GPM6A: variants seen among roughly 807,000 people sequenced by gnomAD.
GPM6A encodes glycoprotein M6A.
In GPM6A, 7 loss-of-function variants were observed where a neutral mutation model predicts 32.1. The ratio of observed to expected loss-of-function variants is 0.22; its 90% CI spans 0.12 to 0.41. GPM6A has a LOEUF of 0.41. Among genes scored for constraint, GPM6A ranks in the 10% least tolerant of loss-of-function variants. GPM6A has a pLI of 1.00. For missense variants in GPM6A, 235 were observed against 347.2 expected (o/e 0.68, Z 2.57); for synonymous variants, 130 against 123.4 (o/e 1.05, Z -0.35).
intron 1 of GPM6A, among the ~76,000 whole-genome samples, chr4:175,792,114 T>G (rs377532156): frequency 6.6e-6 from 1 of 152,206 alleles, no homozygotes; most frequent in East Asian, 1.9e-4. Flanking sequence ...TTAAGTAATT[T>G]GATCTCATTA....
intron 1 of GPM6A, among the ~76,000 whole-genome samples, chr4:175,865,988 C>T (rs1249178794): frequency 6.6e-6 from 1 of 152,168 alleles, no homozygotes; most frequent in East Asian, 1.9e-4. Context: ...AACTCAATTT[C>T]TTTAATAGCT....
chr4:175,724,260 C>T (rs961088330), intron 1 of GPM6A, among the ~76,000 whole-genome samples: 2 of 152,078 alleles, frequency 1.3e-5, no homozygotes, highest in South Asian at 2.1e-4. Flanking sequence ...AAAAGTTGAA[C>T]TCGGCCAGGT....
At chr4:175,969,839 T>C (rs1356945768) in intron 1 of GPM6A, among the ~76,000 whole-genome samples, 1 of 152,162 alleles carries the variant, frequency 6.6e-6, no homozygotes, top group Non-Finnish European at 1.5e-5. Context: ...TAAATAGAAC[T>C]CTATGTACTT....
chr4:175,660,113 A>T (rs542563579), intron 3 of GPM6A, among the ~76,000 whole-genome samples: 13 of 152,216 alleles, frequency 8.5e-5, no homozygotes, highest in African/African-American at 3.1e-4. Flanking sequence ...AAAAAAAAGT[A>T]TATAGGCTGG....
At chr4:175,978,372 A>G (rs1019448698) in intron 1 of GPM6A, among the ~76,000 whole-genome samples, 1 of 152,038 alleles carries the variant, frequency 6.6e-6, no homozygotes, top group Non-Finnish European at 1.5e-5. Flanking sequence ...CTGATCAAAC[A>G]CCTCCCTTCC....
intron 1 of GPM6A, chr4:175,906,513 T>C (rs1213960113): frequency 6.6e-6 from 1 of 152,166 alleles, no homozygotes; most frequent in Non-Finnish European, 1.5e-5. Context: ...TCTCTCCTCA[T>C]TATTTTTTAT....
intron 1 of GPM6A, among the ~76,000 whole-genome samples, chr4:175,777,279 T>C (rs1478772479): frequency 6.6e-5 from 10 of 152,138 alleles, no homozygotes; most frequent in Admixed American, 4.6e-4. Context: ...ATAGGTTTTA[T>C]TTACTGTCTT....
At chr4:175,649,486 C>T (rs1402717360) in intron 4 of GPM6A, among the ~76,000 whole-genome samples, 2 of 152,078 alleles carry the variant, frequency 1.3e-5, no homozygotes, top group African/African-American at 4.8e-5. Context: ...TAGAGTCTCC[C>T]AATGTTTTTT....
intron 1 of GPM6A, among the ~76,000 whole-genome samples, chr4:175,949,390 CTTAA>C: frequency 6.6e-6 from 1 of 151,978 alleles, no homozygotes; most frequent in East Asian, 1.9e-4. Context: ...GCTTTGAACT[CTTAA>C]CTGCAAGTGA....
At chr4:175,836,710 C>CAA (rs33941974) in intron 1 of GPM6A, among the ~76,000 whole-genome samples, 65 of 149,116 alleles carry the variant, frequency 4.4e-4, no homozygotes, top group African/African-American at 1.1e-3. Context: ...ACAGCTTGAG[C>CAA]AAAAAAAAAA....
chr4:175,806,778 C>T (rs972676621), intron 1 of GPM6A: 10 of 152,194 alleles, frequency 6.6e-5, no homozygotes, highest in African/African-American at 2.4e-4. Context: ...AGGTTAAGCA[C>T]AATGCTAGTA....
At chr4:175,874,101 G>A (rs1037635537) in intron 1 of GPM6A, among the ~76,000 whole-genome samples, 1 of 152,168 alleles carries the variant, frequency 6.6e-6, no homozygotes, top group African/African-American at 2.4e-5. Flanking sequence ...TGAAAGAGAC[G>A]TGAGGCAGCA....
At chr4:175,685,337 T>C (rs1743919196) in intron 2 of GPM6A, among the ~76,000 whole-genome samples, 1 of 152,236 alleles carries the variant, frequency 6.6e-6, no homozygotes, top group South Asian at 2.1e-4. Context: ...GAATGAAGAA[T>C]ACCTTTTCAT....
intron 2 of GPM6A, among the ~76,000 whole-genome samples, chr4:175,682,043 G>T (rs1186611273): frequency 1.3e-5 from 2 of 152,182 alleles, no homozygotes; most frequent in Non-Finnish European, 2.9e-5. Flanking sequence ...TGACCAACAT[G>T]CTGATAGTGA....
In GPM6A at chr4:175,735,178, G is replaced by A. The variant is rs926776043; in HGVS notation, c.38-33411C>T. On this transcript the variant is annotated intron_variant, in intron 1 of 6. Transcript: ENST00000393658. ...TACAGAGTTAATACTTTTTTCTTCC[G>A]GCAAAAAATCTCTCTCAAGCTCTAA... Among the ~76,000 whole-genome samples the A allele has an allele frequency of 7.2e-5, 11 of 151,838 alleles. No homozygotes were observed. The East Asian group carries it at 2.1e-3, about 29-fold the overall frequency.
intron 1 of GPM6A, among the ~76,000 whole-genome samples, chr4:175,874,195 T>G (rs936378284): frequency 6.6e-6 from 1 of 152,080 alleles, no homozygotes. Context: ...CAATAAAGAT[T>G]GTGGAATAAA....
chr4:175,645,607 G>T (rs1237788398), intron 4 of GPM6A, among the ~76,000 whole-genome samples: 1 of 152,138 alleles, frequency 6.6e-6, no homozygotes, highest in Non-Finnish European at 1.5e-5. Context: ...TGTAATCCCA[G>T]CTCCTCGGGA....
chr4:175,888,408 G>A (rs1294385818), intron 1 of GPM6A, among the ~76,000 whole-genome samples: 1 of 151,784 alleles, frequency 6.6e-6, no homozygotes, highest in African/African-American at 2.4e-5. Context: ...AAGCTAGAGT[G>A]TTTGCTTCTG....
intron 2 of GPM6A, among the ~76,000 whole-genome samples, chr4:175,674,740 G>T (rs1191027950): frequency 1.3e-5 from 2 of 151,750 alleles, no homozygotes; most frequent in Admixed American, 6.6e-5. Context: ...ATAATGAAAA[G>T]ATATGGTTTT....
Sources: gnomAD v4.1 joint callset for allele counts (sites outside exome capture counted in the v4.1 genomes callset) on GRCh38, gnomAD v4.1.1 for gene constraint, MANE v1.5 for transcripts, NCBI Gene and HGNC (gene_info 2026-07-23, HGNC 2026-07-21) for gene names.